OPHN1: variants seen among roughly 807,000 people sequenced by gnomAD.
The protein encoded by OPHN1 is oligophrenin-1.
A neutral mutation model predicts 60.7 loss-of-function variants in OPHN1; 11 were observed. The observed-to-expected ratio is 0.18, with a 90% CI of 0.11 to 0.30. The LOEUF is 0.30. Ranked by LOEUF, OPHN1 falls within the 10% of genes least tolerant of loss-of-function variation. The pLI, the probability that OPHN1 is intolerant of heterozygous loss-of-function variation, is 1.00. For missense variants in OPHN1, 449 were observed against 611.0 expected, an observed-to-expected ratio of 0.73 and a Z score of 2.80; for synonymous variants, 226 against 222.6, an observed-to-expected ratio of 1.02 and a Z score of -0.14.
intron 15 of OPHN1, chrX:68,133,088 A>AT: frequency 1.8e-6 from 1 of 553,387 alleles, no homozygotes; most frequent in African/African-American, 2.2e-5. Flanking sequence ...TCCGGAGAAA[A>AT]TTTTTCAGAA....
At chrX:68,075,241 C>T (rs988712871) in intron 19 of OPHN1, among the ~76,000 whole-genome samples, 1 of 112,113 alleles carries the variant, frequency 8.9e-6, no homozygotes, top group African/African-American at 3.2e-5. Context: ...GTTGAGAAGA[C>T]TGAATTGGGA....
At chrX:68,084,409 G>T (rs1178820626) in intron 19 of OPHN1, among the ~76,000 whole-genome samples, 1 of 93,347 alleles carries the variant, frequency 1.1e-5, no homozygotes, top group Non-Finnish European at 2.1e-5. Flanking sequence ...GAGTGAAAGA[G>T]GGGGACAGGG....
intron 18 of OPHN1, among the ~76,000 whole-genome samples, chrX:68,110,661 T>C (rs757292290): frequency 1.2e-4 from 14 of 112,344 alleles, no homozygotes; most frequent in African/African-American, 4.5e-4. Context: ...TTGCTGATTT[T>C]TGTACATTTA....
chrX:68,365,761 C>A (rs1446634881), intron 2 of OPHN1, among the ~76,000 whole-genome samples: 1 of 109,981 alleles, frequency 9.1e-6, no homozygotes, highest in Non-Finnish European at 1.9e-5. Flanking sequence ...AGGCAGTATT[C>A]TTAGAAGTGA....
chrX:68,198,952 G>T (rs966697419), intron 11 of OPHN1, among the ~76,000 whole-genome samples: 1 of 111,526 alleles, frequency 9.0e-6, no homozygotes, highest in Non-Finnish European at 1.9e-5. Context: ...CTTGAATGGG[G>T]TCATCCATTG....
intron 15 of OPHN1, among the ~76,000 whole-genome samples, chrX:68,126,591 C>T (rs1421899694): frequency 5.4e-5 from 6 of 110,716 alleles, no homozygotes; most frequent in African/African-American, 9.9e-5. Flanking sequence ...ATTACAGGTG[C>T]GTGCCACCAC....
intron 6 of OPHN1, among the ~76,000 whole-genome samples, chrX:68,232,169 A>T (rs963566123): frequency 1.8e-5 from 2 of 111,826 alleles, no homozygotes; most frequent in East Asian, 5.6e-4. Context: ...AACACTCCAG[A>T]AGGTGTCCTA....
At chrX:68,257,704 C>G (rs2077871153) in intron 5 of OPHN1, among the ~76,000 whole-genome samples, 1 of 111,812 alleles carries the variant, frequency 8.9e-6, no homozygotes, top group African/African-American at 3.2e-5. Flanking sequence ...ATTTAAAATA[C>G]AGTTTTTCAG....
intron 20 of OPHN1, among the ~76,000 whole-genome samples, chrX:68,067,909 C>G (rs751813676): frequency 9.0e-6 from 1 of 111,686 alleles, no homozygotes; most frequent in African/African-American, 3.3e-5. Context: ...AATAAATAAG[C>G]TTTAGGATAA....
At chrX:68,295,505 G>T (rs2078090437) in intron 3 of OPHN1, among the ~76,000 whole-genome samples, 1 of 112,425 alleles carries the variant, frequency 8.9e-6, no homozygotes, top group Non-Finnish European at 1.9e-5. Context: ...ATGTTACCAA[G>T]ATCCCATAGC....
chrX:68,217,266 T>A (rs1025059052), intron 6 of OPHN1, among the ~76,000 whole-genome samples: 1 of 112,112 alleles, frequency 8.9e-6, no homozygotes, highest in Admixed American at 9.4e-5. Context: ...CGCACCTGGC[T>A]CGGAGGATCC....
At chrX:68,390,320 C>CG (rs2078647445) in intron 2 of OPHN1, among the ~76,000 whole-genome samples, 1 of 111,667 alleles carries the variant, frequency 9.0e-6, no homozygotes, top group South Asian at 3.8e-4. Flanking sequence ...ACACTGGGGC[C>CG]GGGTGCAGTG....
intron 5 of OPHN1, among the ~76,000 whole-genome samples, chrX:68,262,794 A>AAGGAC (rs1309670567): frequency 2.1e-4 from 22 of 107,197 alleles, no homozygotes; most frequent in South Asian, 4.4e-4. Context: ...ACAGAACGGA[A>AAGGAC]AGGACAGGAC....
rs749835559 is a variant in OPHN1, at chrX:68,432,388, C to T, written c.154+479G>A. On this transcript the variant is annotated intron_variant, in intron 2 of 24. Coordinates refer to ENST00000355520, the MANE Select transcript of OPHN1 (RefSeq NM_002547.3). Reference sequence around the variant, plus strand: ...TTCCTTAAAAAATAACTTGCCATGGCGAATTTTTTACTGCCCCCCACACTT... The same window carrying T: ...TTCCTTAAAAAATAACTTGCCATGGTGAATTTTTTACTGCCCCCCACACTT... 5.3e-4 allele frequency among the ~76,000 whole-genome samples: 59 copies of T among 111,692 alleles called. 1 individual carries two copies. The highest frequency in any genetic ancestry group is 1.7e-3 in the African/African-American group (51 of 30,805).
At position 68,194,440 on chromosome X, in the gene OPHN1, T is replaced by C. The variant is rs757348684; in HGVS notation, c.1138+25A>G. ...GACAGCTGGCAGTTTATAATGCTAG[T>C]AGACCAAAAACTTAAGTGACTCACT... On this transcript the variant is annotated intron_variant, in intron 13 of 24. Coordinates refer to ENST00000355520, the MANE Select transcript of OPHN1 (RefSeq NM_002547.3). 10 of 1,184,210 alleles carry C rather than the reference T, an allele frequency of 8.4e-6. No homozygotes were observed. In the East Asian group the frequency reaches 1.2e-4, roughly 14 times the overall value.
At chrX:68,293,438 G>T (rs926349725) in intron 3 of OPHN1, among the ~76,000 whole-genome samples, 1 of 112,120 alleles carries the variant, frequency 8.9e-6, no homozygotes, top group African/African-American at 3.2e-5. Context: ...CCATCTAGAA[G>T]TCTGACCTTA....
chrX:68,221,958 C>G (rs1602249052), intron 6 of OPHN1, among the ~76,000 whole-genome samples: 1 of 106,353 alleles, frequency 9.4e-6, no homozygotes, highest in East Asian at 3.0e-4. Flanking sequence ...AGCTTCTGCA[C>G]AGCAAAAGAA....
rs372445201 is a variant in OPHN1, at chrX:68,064,005, G to A, written c.2007C>T (p.Asp669=). 1.4e-5 allele frequency: 17 copies of A among 1,207,337 alleles called. No individual in the cohort carries two copies. Among genetic ancestry groups the A allele is most frequent in the Admixed American group, 1.1e-4 (5 of 45,523 alleles). ...GCAGCCTAGACACCAACTTCCCCAC[G>A]TCCACCTCTGGGCAGGGCTCCAACT... ...DGKLEPCPEV[D]VGKLVSRLQD... Residue 669 remains aspartate, a synonymous_variant, in exon 21 of 25, where the codon GAC becomes GAT. Coordinates refer to ENST00000355520, the MANE Select transcript of OPHN1 (RefSeq NM_002547.3).
At position 68,244,370 on chromosome X, in the gene OPHN1, T is replaced by C. The variant is rs1602266267; in HGVS notation, c.385-9782A>G. On this transcript the variant is annotated intron_variant, in intron 5 of 24. Coordinates refer to ENST00000355520, the MANE Select transcript of OPHN1 (RefSeq NM_002547.3). ...GTCTTCAAAGCATTTATTGCATTTGTTGCAATCTGAAATTATTTATCTAAT... is the reference window on the plus strand; with the variant it reads ...GTCTTCAAAGCATTTATTGCATTTGCTGCAATCTGAAATTATTTATCTAAT... 5.3e-5 allele frequency among the ~76,000 whole-genome samples: 6 copies of C among 112,349 alleles called. 2 individuals carry two copies.
Sources: allele counts gnomAD v4.1 joint callset (sites outside exome capture counted in the v4.1 genomes callset), GRCh38; gene constraint gnomAD v4.1.1; transcripts MANE v1.5; gene names NCBI Gene and HGNC (gene_info 2026-07-23, HGNC 2026-07-21).